Variants in TMEM132D observed in about 807,000 individuals in gnomAD.
TMEM132D encodes the protein transmembrane protein 132D.
TMEM132D carries 21 observed loss-of-function variants against 62.3 expected under a neutral mutation model. That is an observed-to-expected ratio of 0.34 (90% CI 0.24 to 0.49). TMEM132D has a LOEUF of 0.49. Among genes scored for constraint, TMEM132D ranks in the 20% least tolerant of loss-of-function variants. The probability of loss-of-function intolerance (pLI) is 0.99; values close to 1 mark genes in which losing one functional copy is unlikely to be tolerated. For missense variants in TMEM132D, 1,346 were observed against 1,402.8 expected (o/e 0.96, Z 0.65); for synonymous variants, 621 against 575.6 (o/e 1.08, Z -1.13).
At chr12:129,556,256 T>C (rs1398039624) in intron 2 of TMEM132D, among the ~76,000 whole-genome samples, 1 of 152,152 alleles carries the variant, frequency 6.6e-6, no homozygotes, top group Non-Finnish European at 1.5e-5. Context: ...ACCCAGCAGC[T>C]GTCTGTGCAC....
chr12:129,558,749 A>T (rs1263944648), intron 2 of TMEM132D, among the ~76,000 whole-genome samples: 2 of 152,186 alleles, frequency 1.3e-5, no homozygotes, highest in Non-Finnish European at 2.9e-5. Flanking sequence ...TCCCCTAAGG[A>T]GACGGGTCCA....
chr12:129,125,260 G>A (rs1876179503), intron 5 of TMEM132D, among the ~76,000 whole-genome samples: 2 of 152,168 alleles, frequency 1.3e-5, no homozygotes, highest in Admixed American at 1.3e-4. Context: ...AATAGAAATT[G>A]TGTGTGATCA....
At chr12:129,344,348 C>T (rs1257731996) in intron 3 of TMEM132D, among the ~76,000 whole-genome samples, 1 of 152,052 alleles carries the variant, frequency 6.6e-6, no homozygotes, top group African/African-American at 2.4e-5. Context: ...TCTGGCAAAC[C>T]CCAAATGGAT....
At chr12:129,095,346 G>GTT (rs34044401) in intron 5 of TMEM132D, among the ~76,000 whole-genome samples, 2,953 of 105,284 alleles carry the variant, frequency 0.028, 157 homozygotes, top group East Asian at 0.064. Context: ...ATGCCTGCTG[G>GTT]TTTTTTTTTT....
At chr12:129,728,223 G>A (rs1002714821) in intron 1 of TMEM132D, among the ~76,000 whole-genome samples, 1 of 152,006 alleles carries the variant, frequency 6.6e-6, no homozygotes, top group Non-Finnish European at 1.5e-5. Context: ...ATAAATCAGG[G>A]GTGAAATCCA....
chr12:129,165,678 T>A (rs976298491), intron 5 of TMEM132D, among the ~76,000 whole-genome samples: 5 of 107,434 alleles, frequency 4.7e-5, no homozygotes, highest in Non-Finnish European at 1.2e-4. Context: ...CAAACATTTC[T>A]TCTTTTTTTT....
At chr12:129,285,972 T>C (rs1881285748) in intron 4 of TMEM132D, among the ~76,000 whole-genome samples, 1 of 152,082 alleles carries the variant, frequency 6.6e-6, no homozygotes, top group Non-Finnish European at 1.5e-5. Context: ...TTGATTCAGA[T>C]AAGATGCTTT....
rs145542159 is a variant in TMEM132D, at chr12:129,770,401, C to G, written c.80-69703G>C. ...TCGTGATCTGCCTGCCTCGGCCTCC[C>G]AAAATGCTGGGATTACAGGCGTGGG... On this transcript the variant is annotated intron_variant, in intron 1 of 8. Transcript: ENST00000422113. 7.0e-3 allele frequency among the ~76,000 whole-genome samples: 1,065 copies of G among 152,238 alleles called. 17 individuals carry two copies. The highest frequency in any genetic ancestry group is 0.024 in the African/African-American group (1,012 of 41,532).
intron 1 of TMEM132D, among the ~76,000 whole-genome samples, chr12:129,890,814 T>C (rs1343553107): frequency 6.6e-6 from 1 of 152,178 alleles, no homozygotes; most frequent in Non-Finnish European, 1.5e-5. Context: ...TTATAATTTG[T>C]CCTCAAAATG....
In TMEM132D at chr12:129,639,382, TAAAA is replaced by T. The variant is rs34476667; in HGVS notation, c.968+60424_968+60427del. Among the ~76,000 whole-genome samples, 18 of 90,470 alleles carry T rather than the reference TAAAA, an allele frequency of 2.0e-4. No homozygotes were observed. In the Admixed American group the frequency reaches 2.4e-3, roughly 12 times the overall value. 59.4% of individuals were successfully genotyped at this position (90,470 alleles called of 152,430 possible). Reference sequence around the variant, plus strand: ...TGGGTGACAGAGCGAGACTCTGTCTTAAAAAAAAAAAAAAAAAAAAAAAAGTCAG... The same window carrying T: ...TGGGTGACAGAGCGAGACTCTGTCTTAAAAAAAAAAAAAAAAAAAAGTCAG... On this transcript the variant is annotated intron_variant, in intron 2 of 8. Transcript: ENST00000422113.
chr12:129,102,254 T>C (rs562926277), intron 5 of TMEM132D, among the ~76,000 whole-genome samples: 101 of 152,280 alleles, frequency 6.6e-4, no homozygotes, highest in Admixed American at 9.8e-4. Context: ...CTCACTCTTC[T>C]CTTTCTGAGC....
intron 4 of TMEM132D, among the ~76,000 whole-genome samples, chr12:129,225,457 C>T (rs1002488139): frequency 6.6e-6 from 1 of 152,142 alleles, no homozygotes; most frequent in African/African-American, 2.4e-5. Context: ...AATCGCCACC[C>T]GCACAGTCTT....
chr12:129,502,190 G>A (rs564726555), intron 3 of TMEM132D, among the ~76,000 whole-genome samples: 3 of 152,004 alleles, frequency 2.0e-5, no homozygotes, highest in African/African-American at 7.2e-5. Flanking sequence ...TAGTAGAGAC[G>A]GGGTTTCACT....
chr12:129,843,299 A>C (rs1381462834), intron 1 of TMEM132D, among the ~76,000 whole-genome samples: 1 of 152,228 alleles, frequency 6.6e-6, no homozygotes, highest in African/African-American at 2.4e-5. Flanking sequence ...AGAAAGCCTC[A>C]ATTAGAAGAT....
chr12:129,296,475 G>T (rs1881578825), intron 4 of TMEM132D, among the ~76,000 whole-genome samples: 1 of 152,218 alleles, frequency 6.6e-6, no homozygotes, highest in Admixed American at 6.5e-5. Context: ...AATACTTTGT[G>T]TTACAGACTT....
chr12:129,197,760 A>G (rs1026436196), intron 5 of TMEM132D, among the ~76,000 whole-genome samples: 5 of 152,250 alleles, frequency 3.3e-5, no homozygotes, highest in Non-Finnish European at 7.3e-5. Context: ...CCTTGAGAGT[A>G]CAGGCAACAA....
intron 1 of TMEM132D, among the ~76,000 whole-genome samples, chr12:129,757,514 C>T (rs193290801): frequency 5.3e-4 from 80 of 152,262 alleles, no homozygotes; most frequent in Non-Finnish European, 9.6e-4. Context: ...CACACCAGCT[C>T]CATTTGGGCG....
chr12:129,192,416 T>C (rs1878429849), intron 5 of TMEM132D, among the ~76,000 whole-genome samples: 1 of 152,232 alleles, frequency 6.6e-6, no homozygotes, highest in Non-Finnish European at 1.5e-5. Context: ...ATACTTGTTT[T>C]TCCTCTCTTC....
intron 1 of TMEM132D, among the ~76,000 whole-genome samples, chr12:129,877,611 G>GCACA (rs1190829469): frequency 1.8e-4 from 17 of 94,990 alleles, no homozygotes; most frequent in East Asian, 1.7e-3. Flanking sequence ...ACGCGCGCGC[G>GCACA]CGCACACACA....
Sources: allele counts gnomAD v4.1 joint callset (sites outside exome capture counted in the v4.1 genomes callset), GRCh38; gene constraint gnomAD v4.1.1; transcripts MANE v1.5; gene names NCBI Gene and HGNC (gene_info 2026-07-23, HGNC 2026-07-21).